PRIM2: variants seen among roughly 807,000 people sequenced by gnomAD.
PRIM2 encodes DNA primase subunit 2, also known as DNA primase large subunit.
In PRIM2, 39 loss-of-function variants were observed where a neutral mutation model predicts 67.3. That is an observed-to-expected ratio of 0.58 (90% CI 0.45 to 0.76). The LOEUF (loss-of-function observed/expected upper bound fraction) is 0.76, where lower values mean the gene tolerates loss of function less well. PRIM2 is among the 30% of genes least tolerant of loss of function. PRIM2 has a pLI of 0.00. For missense variants in PRIM2, 398 were observed against 598.7 expected, an observed-to-expected ratio of 0.66 and a Z score of 3.50; for synonymous variants, 143 against 198.7, an observed-to-expected ratio of 0.72 and a Z score of 2.36.
chr6:57,401,750 G>A (rs539817480), intron 7 of PRIM2, among the ~76,000 whole-genome samples: 9 of 152,328 alleles, frequency 5.9e-5, no homozygotes, highest in South Asian at 2.1e-4. Flanking sequence ...ATCAGCCCAG[G>A]ATGGAGGGCC....
chr6:57,620,494 GT>G (rs1234460164), intron 12 of PRIM2, among the ~76,000 whole-genome samples: 1 of 151,964 alleles, frequency 6.6e-6, no homozygotes, highest in Non-Finnish European at 1.5e-5. Flanking sequence ...GATAACAGTC[GT>G]TTTCAGACAA....
At chr6:57,408,207 C>T (rs1289647561) in intron 7 of PRIM2, among the ~76,000 whole-genome samples, 2 of 152,118 alleles carry the variant, frequency 1.3e-5, no homozygotes, top group African/African-American at 2.4e-5. Context: ...GACATGGGTG[C>T]ATGTGGAGTG....
intron 7 of PRIM2, among the ~76,000 whole-genome samples, chr6:57,448,487 A>T (rs9382739): frequency 0.4 from 61,129 of 151,938 alleles, 13,223 homozygotes; most frequent in South Asian, 0.58. Context: ...CAGTCTCAAG[A>T]GGTCCTAAGA....
intron 7 of PRIM2, among the ~76,000 whole-genome samples, chr6:57,396,904 A>G (rs1457477540): frequency 6.6e-6 from 1 of 152,078 alleles, no homozygotes; most frequent in African/African-American, 2.4e-5. Flanking sequence ...GAAAAAGATT[A>G]TATCTTTCCT....
chr6:57,265,536 A>G, the PRIM2 span, among the ~76,000 whole-genome samples: 1 of 152,202 alleles, frequency 6.6e-6, no homozygotes, highest in African/African-American at 2.4e-5. Flanking sequence ...TCAACCACTT[A>G]CTAGAATAGA....
chr6:57,388,119 CTG>C (rs921086077), intron 7 of PRIM2, among the ~76,000 whole-genome samples: 8 of 152,042 alleles, frequency 5.3e-5, no homozygotes, highest in African/African-American at 1.9e-4. Context: ...GGTGTAGACT[CTG>C]TGAGACTTTG....
intron 8 of PRIM2, among the ~76,000 whole-genome samples, chr6:57,531,801 T>A (rs1218259239): frequency 6.6e-6 from 1 of 152,328 alleles, no homozygotes. Flanking sequence ...ACAGAAACGC[T>A]CTTTCAGGGG....
At chr6:57,378,922 A>G (rs1769865828) in intron 5 of PRIM2, among the ~76,000 whole-genome samples, 1 of 151,080 alleles carries the variant, frequency 6.6e-6, no homozygotes, top group African/African-American at 2.4e-5. Context: ...TTGGACATTT[A>G]GTTTTTTTCT....
chr6:57,501,581 T>A (rs1426692533), intron 7 of PRIM2, among the ~76,000 whole-genome samples: 1 of 152,220 alleles, frequency 6.6e-6, no homozygotes, highest in African/African-American at 2.4e-5. Context: ...AATACAGGCA[T>A]GAGCCACTGT....
chr6:57,578,784 C>CTCCT (rs1309272056), intron 10 of PRIM2, among the ~76,000 whole-genome samples: 1 of 150,566 alleles, frequency 6.6e-6, no homozygotes, highest in African/African-American at 2.4e-5. Flanking sequence ...TCACGCCATT[C>CTCCT]TCCTGCCTCA....
At chr6:57,596,768 T>G (rs1327342957) in intron 10 of PRIM2, among the ~76,000 whole-genome samples, 52 of 150,846 alleles carry the variant, frequency 3.4e-4, no homozygotes, top group African/African-American at 1.1e-3. Flanking sequence ...AAAATAAAAT[T>G]TATTACTTTT....
intron 13 of PRIM2, among the ~76,000 whole-genome samples, chr6:57,640,557 CTG>C (rs1349857275): frequency 1.9e-4 from 29 of 152,242 alleles, no homozygotes; most frequent in African/African-American, 7.0e-4. Flanking sequence ...TACAAAATCT[CTG>C]TGCAAAATCA....
At chr6:57,502,783 C>A (rs1554346992) in intron 7 of PRIM2, among the ~76,000 whole-genome samples, 1 of 152,138 alleles carries the variant, frequency 6.6e-6, no homozygotes, top group African/African-American at 2.4e-5. Flanking sequence ...GAACCTCATC[C>A]TTTTTCAGTT....
At chr6:57,459,035 T>C (rs2127395745) in intron 7 of PRIM2, among the ~76,000 whole-genome samples, 1 of 152,356 alleles carries the variant, frequency 6.6e-6, no homozygotes, top group East Asian at 1.9e-4. Flanking sequence ...ATTTTGGGAT[T>C]GTTATTATCA....
chr6:57,480,407 A>G (rs1275162157), intron 7 of PRIM2, among the ~76,000 whole-genome samples: 1 of 132,226 alleles, frequency 7.6e-6, no homozygotes, highest in African/African-American at 2.9e-5. Context: ...TTTAGGTATA[A>G]TAAAAAAAAC....
At chr6:57,455,874 C>G (rs1772755582) in intron 7 of PRIM2, among the ~76,000 whole-genome samples, 2 of 152,172 alleles carry the variant, frequency 1.3e-5, no homozygotes, top group African/African-American at 4.8e-5. Flanking sequence ...TCAGTTTCTT[C>G]CTAGCCTGGA....
At chr6:57,383,700 G>C (rs971829042) in intron 7 of PRIM2, 2 of 152,012 alleles carry the variant, frequency 1.3e-5, no homozygotes, top group Non-Finnish European at 2.9e-5. Context: ...AGGTAACTTC[G>C]GGACAACCCA....
At chr6:57,481,858 C>T (rs1166286839) in intron 7 of PRIM2, among the ~76,000 whole-genome samples, 1 of 152,148 alleles carries the variant, frequency 6.6e-6, no homozygotes, top group Non-Finnish European at 1.5e-5. Context: ...TGATGTTGAA[C>T]TTTCTTTTTC....
intron 8 of PRIM2, among the ~76,000 whole-genome samples, chr6:57,511,262 T>C (rs1774361461): frequency 6.6e-6 from 1 of 152,132 alleles, no homozygotes; most frequent in African/African-American, 2.4e-5. Flanking sequence ...TTGAATCCAA[T>C]TCTCAAGTAC....
Sources: gnomAD v4.1 joint callset for allele counts (sites outside exome capture counted in the v4.1 genomes callset) on GRCh38, gnomAD v4.1.1 for gene constraint, MANE v1.5 for transcripts, NCBI Gene and HGNC (gene_info 2026-07-23, HGNC 2026-07-21) for gene names.